PCDHGA3: variants seen among roughly 807,000 people sequenced by gnomAD.
PCDHGA3 encodes the protein protocadherin gamma subfamily A, 3, also known as protocadherin gamma-A3.
PCDHGA3 carries 40 observed loss-of-function variants against 58.5 expected under a neutral mutation model. That is an observed-to-expected ratio of 0.68 (90% confidence interval 0.53 to 0.89). The LOEUF (loss-of-function observed/expected upper bound fraction) is 0.89. Ranked by LOEUF, PCDHGA3 falls within the 40% of genes least tolerant of loss-of-function variation. PCDHGA3 has a pLI of 0.00. For synonymous variants in PCDHGA3, 530 were observed against 525.7 expected (o/e 1.01, Z -0.11); for missense variants, 1,223 against 1,195.9 (o/e 1.02, Z -0.33).
intron 1 of PCDHGA3, chr5:141,366,142 G>C (rs368467114): frequency 6.2e-7 from 1 of 1,614,176 alleles, no homozygotes; most frequent in African/African-American, 1.3e-5. Context: ...ACGCCTGGCT[G>C]TCCTACCGCC....
chr5:141,405,514 A>C, intron 1 of PCDHGA3: 1 of 704,834 alleles, frequency 1.4e-6, no homozygotes, highest in Non-Finnish European at 2.3e-6. Context: ...CCGCCTCCCA[A>C]ATTCAAGCGA....
chr5:141,374,339 A>C, intron 1 of PCDHGA3: 1 of 1,614,006 alleles, frequency 6.2e-7, no homozygotes, highest in Non-Finnish European at 8.5e-7. Context: ...CAGCTTGGTC[A>C]CCGCGGGTAG....
At chr5:141,360,499 A>G in intron 1 of PCDHGA3, 2 of 1,613,976 alleles carry the variant, frequency 1.2e-6, no homozygotes, top group Non-Finnish European at 1.7e-6. Flanking sequence ...CATAGCAGTA[A>G]TTGTGCAGGA....
chr5:141,481,167 A>C (rs77180710), intron 1 of PCDHGA3, among the ~76,000 whole-genome samples: 2,577 of 152,328 alleles, frequency 0.017, 78 homozygotes, highest in African/African-American at 0.059. Flanking sequence ...GCAGAACCAG[A>C]ATCCAGCTTT....
At position 141,351,773 on chromosome 5, in the gene PCDHGA3, C is replaced by G. The variant is rs374508079; in HGVS notation, c.2424+5316C>G. On this transcript the variant is annotated intron_variant, in intron 1 of 3. Transcript: ENST00000253812. Reference sequence around the variant, plus strand: ...GCTGTTGTCCTACGTGTCCGTGAGCCCGCAGAGCGGGGTGGTGTTCGCGCA... The same window carrying G: ...GCTGTTGTCCTACGTGTCCGTGAGCGCGCAGAGCGGGGTGGTGTTCGCGCA... The G allele has an allele frequency of 2.6e-4, 414 of 1,613,372 alleles. 3 individuals are homozygous for G. The East Asian group carries it at 7.2e-3, about 28-fold the overall frequency.
At chr5:141,368,255 T>C (rs1354188654) in intron 1 of PCDHGA3, among the ~76,000 whole-genome samples, 1 of 152,202 alleles carries the variant, frequency 6.6e-6, no homozygotes, top group Non-Finnish European at 1.5e-5. Context: ...GAAAGGTTAA[T>C]TGACACATTA....
chr5:141,400,319 C>A lies in PCDHGA3; in HGVS notation c.2424+53862C>A, dbSNP rs762588918. ...TTCCAACCTGGTCTCTGTGTCAAGTCTGGACCTGTGGTTCCCCCCAACTAC... is the reference window on the plus strand; with the variant it reads ...TTCCAACCTGGTCTCTGTGTCAAGTATGGACCTGTGGTTCCCCCCAACTAC... On this transcript the variant is annotated intron_variant, in intron 1 of 3. Coordinates refer to ENST00000253812, the MANE Select transcript of PCDHGA3 (RefSeq NM_018916.4). The A allele has an allele frequency of 4.3e-6, 7 of 1,614,092 alleles. No individual in the cohort carries two copies. In the South Asian group the frequency reaches 7.7e-5, roughly 18 times the overall value.
chr5:141,471,972 T>C (rs952480654), intron 1 of PCDHGA3, among the ~76,000 whole-genome samples: 1 of 152,212 alleles, frequency 6.6e-6, no homozygotes, highest in South Asian at 2.1e-4. Context: ...GTTGCATTAC[T>C]GTATAAATTT....
intron 1 of PCDHGA3, chr5:141,370,671 G>T (rs1767112872): frequency 2.5e-6 from 4 of 1,613,888 alleles, no homozygotes; most frequent in Non-Finnish European, 3.4e-6. Context: ...TATAGACCGA[G>T]AGGAGATTTG....
intron 1 of PCDHGA3, chr5:141,410,439 G>A (rs775594110): frequency 3.1e-6 from 5 of 1,614,006 alleles, no homozygotes; most frequent in Admixed American, 3.3e-5. Context: ...TACAGTGAGG[G>A]GACTTTGCCT....
intron 2 of PCDHGA3, among the ~76,000 whole-genome samples, chr5:141,495,601 G>A (rs1315613802): frequency 3.3e-5 from 5 of 152,004 alleles, no homozygotes; most frequent in South Asian, 2.1e-4. Context: ...CTTAGCTTCC[G>A]TCTTGATTGC....
Position 141,487,501 on chromosome 5 carries a change from T to A in PCDHGA3, c.2425-7306T>A. 1 of 1,614,232 alleles carries A rather than the reference T, an allele frequency of 6.2e-7. No individual in the cohort carries two copies. Among genetic ancestry groups the A allele is most frequent in the Non-Finnish European group, 8.5e-7 (1 of 1,180,036 alleles). On this transcript the variant is annotated intron_variant, in intron 1 of 3. Transcript: ENST00000253812. This position sits in a 1 kb window ranked among gnomAD's most constrained non-coding sequence, Gnocchi z 5.0. ...ACTCTCATGGCTGTACACCCTTGGC[T>A]TCTGCACCCACTCGGAGTGATAGCT...
chr5:141,385,107 C>T, intron 1 of PCDHGA3: 1 of 1,614,178 alleles, frequency 6.2e-7, no homozygotes, highest in Non-Finnish European at 8.5e-7. Context: ...CGAACGTGCC[C>T]ACCTCGCACT....
intron 1 of PCDHGA3, among the ~76,000 whole-genome samples, chr5:141,449,869 T>G (rs1003364964): frequency 6.6e-6 from 1 of 151,924 alleles, no homozygotes; most frequent in African/African-American, 2.4e-5. Flanking sequence ...ATCAGAAAAT[T>G]TAACATCAAT....
At chr5:141,420,050 C>T in intron 1 of PCDHGA3, 1 of 1,614,076 alleles carries the variant, frequency 6.2e-7, no homozygotes, top group Non-Finnish European at 8.5e-7. Flanking sequence ...TGAGTCAGTT[C>T]TCTGCTCCAA....
At chr5:141,384,960 T>C in intron 1 of PCDHGA3, 4 of 1,613,970 alleles carry the variant, frequency 2.5e-6, no homozygotes, top group Non-Finnish European at 3.4e-6. Flanking sequence ...CTTACAACTA[T>C]GACCTCACGT....
Position 141,487,321 on chromosome 5 carries a change from T to C in PCDHGA3, c.2425-7486T>C. 1.2e-6 allele frequency: 2 copies of C among 1,614,198 alleles called. No individual in the cohort carries two copies. The highest frequency in any genetic ancestry group is 1.7e-6 in the Non-Finnish European group (2 of 1,180,040). Reference sequence around the variant, plus strand: ...TCGTGGCACTACTCTCTAAGTGTCTTCGTGGGGCAGCCTGTGGAGTCACAT... The same window carrying C: ...TCGTGGCACTACTCTCTAAGTGTCTCCGTGGGGCAGCCTGTGGAGTCACAT... On this transcript the variant is annotated intron_variant, in intron 1 of 3. Transcript: ENST00000253812. The surrounding 1 kb of genome is among the most constrained non-coding windows in gnomAD (Gnocchi z 5.0).
chr5:141,348,632 T>TA (rs914216504), intron 1 of PCDHGA3, among the ~76,000 whole-genome samples: 4 of 152,168 alleles, frequency 2.6e-5, no homozygotes, highest in African/African-American at 9.7e-5. Flanking sequence ...CTTGTACAGG[T>TA]AATGGAAGGT....
At chr5:141,498,826 A>G (rs1186868890) in intron 2 of PCDHGA3, among the ~76,000 whole-genome samples, 1 of 152,006 alleles carries the variant, frequency 6.6e-6, no homozygotes, top group African/African-American at 2.4e-5. Context: ...CCAGCTACTC[A>G]GGAGGCTGAG....
Sources: gnomAD v4.1 joint callset for allele counts (sites outside exome capture counted in the v4.1 genomes callset) on GRCh38, gnomAD v4.1.1 for gene constraint, Gnocchi (gnomAD v3.1) non-coding constraint, MANE v1.5 for transcripts, NCBI Gene and HGNC (gene_info 2026-07-23, HGNC 2026-07-21) for gene names.